SAMD5: variants seen among roughly 807,000 people sequenced by gnomAD.
The protein encoded by SAMD5 is sterile alpha motif domain-containing protein 5.
In SAMD5, 13 loss-of-function variants were observed where a neutral mutation model predicts 11.3. The observed-to-expected ratio is 1.15, with a 90% confidence interval of 0.75 to 1.83. The LOEUF (loss-of-function observed/expected upper bound fraction) is 1.83. Among genes scored for constraint, SAMD5 ranks in the 40% most tolerant of loss-of-function variants. SAMD5 has a pLI of 0.00. For missense variants in SAMD5, 255 were observed against 239.1 expected, an observed-to-expected ratio of 1.07 and a Z score of -0.44; for synonymous variants, 129 against 111.3, an observed-to-expected ratio of 1.16 and a Z score of -1.00.
chr6:147,940,637 C>T, the SAMD5 span, among the ~76,000 whole-genome samples: 1 of 152,124 alleles, frequency 6.6e-6, no homozygotes, highest in Non-Finnish European at 1.5e-5. Context: ...TCTGCTGCAT[C>T]ATCTTGTGGT....
chr6:147,593,320 T>C (rs1158282757), intron 1 of SAMD5, among the ~76,000 whole-genome samples: 4 of 152,020 alleles, frequency 2.6e-5, no homozygotes, highest in African/African-American at 9.7e-5. Context: ...CAAGTAAATA[T>C]CCAAGTAAAT....
At chr6:147,849,123 A>G in the SAMD5 span, among the ~76,000 whole-genome samples, 1 of 150,264 alleles carries the variant, frequency 6.7e-6, no homozygotes, top group Admixed American at 6.6e-5. Flanking sequence ...CAAAGGTGTA[A>G]TAGTTGAAGA....
chr6:147,592,280 A>G (rs999109981), intron 1 of SAMD5, among the ~76,000 whole-genome samples: 2 of 152,082 alleles, frequency 1.3e-5, no homozygotes, highest in African/African-American at 2.4e-5. Context: ...CTTTTCTCCT[A>G]TGAATTGTTC....
the SAMD5 span, among the ~76,000 whole-genome samples, chr6:147,884,787 T>C: frequency 0.36 from 54,971 of 151,920 alleles, 10,070 homozygotes; most frequent in South Asian, 0.49. Context: ...GTGGCATTCA[T>C]GGTTACCTGA....
the SAMD5 span, among the ~76,000 whole-genome samples, chr6:147,911,183 A>G: frequency 6.6e-6 from 1 of 152,188 alleles, no homozygotes; most frequent in African/African-American, 2.4e-5. Context: ...AAGTGTCCAT[A>G]GTGAATGAGA....
chr6:147,824,155 A>G, the SAMD5 span, among the ~76,000 whole-genome samples: 6 of 152,188 alleles, frequency 3.9e-5, no homozygotes, highest in African/African-American at 1.4e-4. Flanking sequence ...AACTCGGAGT[A>G]GTCTGCCAGC....
intron 1 of SAMD5, among the ~76,000 whole-genome samples, chr6:147,511,745 A>C (rs1197585422): frequency 6.6e-6 from 1 of 152,168 alleles, no homozygotes; most frequent in Non-Finnish European, 1.5e-5. Flanking sequence ...TGAGCATACA[A>C]ATGTTTAGTA....
the SAMD5 span, among the ~76,000 whole-genome samples, chr6:147,844,493 C>A: frequency 0.11 from 17,311 of 152,040 alleles, 1,220 homozygotes; most frequent in East Asian, 0.34. Flanking sequence ...TTCTGGCATA[C>A]ACCGAAGGGA....
chr6:147,651,707 G>A (rs1314188020), intron 1 of SAMD5, among the ~76,000 whole-genome samples: 2 of 152,106 alleles, frequency 1.3e-5, no homozygotes, highest in African/African-American at 4.8e-5. Context: ...TAAGCCACCC[G>A]GTTTGAAGTA....
chr6:147,753,312 G>A, the SAMD5 span, among the ~76,000 whole-genome samples: 3 of 152,074 alleles, frequency 2.0e-5, no homozygotes, highest in South Asian at 2.1e-4. Context: ...CATTGAATGG[G>A]AAAACACCAC....
the SAMD5 span, among the ~76,000 whole-genome samples, chr6:147,878,321 T>C: frequency 1.3e-5 from 2 of 151,812 alleles, no homozygotes; most frequent in Non-Finnish European, 2.9e-5. Context: ...CTGGAGTCTC[T>C]TTTATAAGGA....
the SAMD5 span, among the ~76,000 whole-genome samples, chr6:147,792,311 C>G: frequency 7.7e-3 from 1,179 of 152,190 alleles, 17 homozygotes; most frequent in Middle Eastern, 0.041. Context: ...TAAAATTGAA[C>G]AGTTAAGCAA....
chr6:147,535,829 T>C (rs111683549), intron 1 of SAMD5, among the ~76,000 whole-genome samples: 9 of 152,240 alleles, frequency 5.9e-5, no homozygotes, highest in African/African-American at 2.2e-4. Flanking sequence ...GAAAGTGATA[T>C]TTTTTATTTA....
chr6:147,681,787 T>G (rs1790943813), intron 1 of SAMD5, among the ~76,000 whole-genome samples: 2 of 152,148 alleles, frequency 1.3e-5, no homozygotes, highest in African/African-American at 4.8e-5. Flanking sequence ...TAGGGCTAAT[T>G]TTACCCCATC....
chr6:147,729,649 A>C lies in SAMD5; in HGVS notation c.163-7668A>C, dbSNP rs932194628. The C allele has an allele frequency of 3.4e-5, 13 of 377,502 alleles. 1 individual carries two copies. Among genetic ancestry groups the C allele is most frequent in the Non-Finnish European group, 6.8e-5 (13 of 190,434 alleles). The allele number at this position is 377,502 out of a possible 1,614,324, so 23.4% of individuals were successfully genotyped here. On this transcript the variant is annotated intron_variant, in intron 1 of 1. Transcript: ENST00000566741. Reference sequence around the variant, plus strand: ...AAGAAAGGGCTATGATTTTAGATGGAGCCGCCAAGGGAGGACTCAAAGAGA... The same window carrying C: ...AAGAAAGGGCTATGATTTTAGATGGCGCCGCCAAGGGAGGACTCAAAGAGA...
chr6:147,825,159 G>C, the SAMD5 span, among the ~76,000 whole-genome samples: 1 of 151,988 alleles, frequency 6.6e-6, no homozygotes, highest in Non-Finnish European at 1.5e-5. Flanking sequence ...TTAGCCAGGC[G>C]TGGTGGTGCA....
the SAMD5 span, among the ~76,000 whole-genome samples, chr6:147,914,346 GACA>G: frequency 1.8e-4 from 28 of 152,046 alleles, no homozygotes; most frequent in African/African-American, 6.5e-4. Context: ...CAACAACAAC[GACA>G]ACAACAAGAT....
At chr6:147,588,859 A>G (rs2128447029) in intron 1 of SAMD5, among the ~76,000 whole-genome samples, 1 of 152,222 alleles carries the variant, frequency 6.6e-6, no homozygotes, top group East Asian at 1.9e-4. Context: ...GTACTCAAGT[A>G]CTCAGTACTT....
At chr6:147,882,874 A>G in the SAMD5 span, among the ~76,000 whole-genome samples, 1 of 152,256 alleles carries the variant, frequency 6.6e-6, no homozygotes, top group African/African-American at 2.4e-5. Flanking sequence ...TGTTTAATAC[A>G]ATACCTGAAA....
Sources: allele counts gnomAD v4.1 joint callset (sites outside exome capture counted in the v4.1 genomes callset), GRCh38; gene constraint gnomAD v4.1.1; transcripts MANE v1.5; gene names NCBI Gene and HGNC (gene_info 2026-07-23, HGNC 2026-07-21).